The following TUT4 variants were observed in gnomAD, a reference collection of about 807,000 sequenced individuals.
The protein encoded by TUT4 is terminal uridylyltransferase 4.
A neutral mutation model predicts 192.2 loss-of-function variants in TUT4; 36 were observed. The ratio of observed to expected loss-of-function variants is 0.19; its 90% CI spans 0.14 to 0.25. The LOEUF (loss-of-function observed/expected upper bound fraction) is 0.25, where lower values mean the gene tolerates loss of function less well. TUT4 is among the 10% of genes least tolerant of loss of function. TUT4 has a pLI of 1.00. For synonymous variants in TUT4, 618 were observed against 666.0 expected, an observed-to-expected ratio of 0.93 and a Z score of 1.11; for missense variants, 1,493 against 1,957.2, an observed-to-expected ratio of 0.76 and a Z score of 4.47.
rs556447351 is a variant in TUT4 at position 52,506,462 on chromosome 1, A to G, written c.999+3134T>C. Reference sequence around the variant, plus strand: ...GTACAGAACAAGTACATGTATATTGATCAATTATCCAGAGCTCATTAACTT... The same window carrying G: ...GTACAGAACAAGTACATGTATATTGGTCAATTATCCAGAGCTCATTAACTT... On this transcript the variant is annotated intron_variant, in intron 4 of 29. Coordinates refer to ENST00000257177, the MANE Select transcript of TUT4 (RefSeq NM_001009881.3). Among the ~76,000 whole-genome samples, 108 of 152,208 alleles carry G rather than the reference A, an allele frequency of 7.1e-4. 1 individual carries two copies. Among genetic ancestry groups the G allele is most frequent in the Non-Finnish European group, 8.8e-4 (60 of 68,010 alleles).
Position 52,502,863 on chromosome 1 carries a change from A to T in TUT4, c.1000-5680T>A, listed in dbSNP as rs1258823871. Among the ~76,000 whole-genome samples, 8 of 152,114 alleles carry T rather than the reference A, an allele frequency of 5.3e-5. No homozygotes were observed. In the East Asian group the frequency reaches 1.4e-3, roughly 26 times the overall value. On this transcript the variant is annotated intron_variant, in intron 4 of 29. Coordinates refer to ENST00000257177, the MANE Select transcript of TUT4 (RefSeq NM_001009881.3). Reference sequence around the variant, plus strand: ...GGTCTCAAACTCCTGAGCTCAGGAGATCCACCTTCCTTGGCCTCCCAAAGT... The same window carrying T: ...GGTCTCAAACTCCTGAGCTCAGGAGTTCCACCTTCCTTGGCCTCCCAAAGT...
Position 52,458,509 on chromosome 1 carries a change from T to A in TUT4, c.3322-60A>T, listed in dbSNP as rs1275916569. On this transcript the variant is annotated intron_variant, in intron 19 of 29. Transcript: ENST00000257177. ...AGTCTTACTCCATGCAGAAGTATAT[T>A]AAACATTCTGCCACATCATTTTTTT... 4.0e-4 allele frequency: 503 copies of A among 1,271,002 alleles called. 2 individuals carry two copies. Among genetic ancestry groups the A allele is most frequent in the Non-Finnish European group, 2.8e-5 (25 of 890,132 alleles). The allele number at this position is 1,271,002 out of a possible 1,614,324, so 78.7% of individuals were successfully genotyped here.
intron 1 of TUT4, among the ~76,000 whole-genome samples, chr1:52,546,349 T>C (rs937271191): frequency 6.6e-6 from 1 of 152,196 alleles, no homozygotes; most frequent in East Asian, 1.9e-4. Flanking sequence ...ATCTATACAA[T>C]GGAATGTTAT....
At chr1:52,447,309 CG>C (rs1435582148) in intron 20 of TUT4, among the ~76,000 whole-genome samples, 1 of 151,764 alleles carries the variant, frequency 6.6e-6, no homozygotes, top group African/African-American at 2.4e-5. Flanking sequence ...ATTAGCTGGG[CG>C]TGGTGGCGTG....
chr1:52,492,492 T>A (rs1671427040), intron 7 of TUT4, among the ~76,000 whole-genome samples: 1 of 151,620 alleles, frequency 6.6e-6, no homozygotes. Flanking sequence ...GCCTATCTCA[T>A]TCTTACAACA....
chr1:52,494,728 T>C (rs1367507072), intron 6 of TUT4, among the ~76,000 whole-genome samples: 1 of 152,108 alleles, frequency 6.6e-6, no homozygotes, highest in Non-Finnish European at 1.5e-5. Context: ...AACCATACAT[T>C]AATTATAAAG....
chr1:52,508,245 TA>T (rs1474991418), intron 4 of TUT4, among the ~76,000 whole-genome samples: 1 of 148,600 alleles, frequency 6.7e-6, no homozygotes. Flanking sequence ...GGTAATCGCT[TA>T]AACCTGGGAG....
At chr1:52,486,896 T>C (rs1208622675) in intron 9 of TUT4, among the ~76,000 whole-genome samples, 4 of 152,188 alleles carry the variant, frequency 2.6e-5, no homozygotes, top group Non-Finnish European at 5.9e-5. Flanking sequence ...ATTTATAATC[T>C]TCTAACACAG....
chr1:52,542,588 T>C (rs1381032563), intron 1 of TUT4, among the ~76,000 whole-genome samples: 1 of 152,098 alleles, frequency 6.6e-6, no homozygotes, highest in Non-Finnish European at 1.5e-5. Context: ...TACCCTTTCA[T>C]GATAAAAACA....
chr1:52,502,009 G>A (rs1225449578), intron 4 of TUT4, among the ~76,000 whole-genome samples: 1 of 151,992 alleles, frequency 6.6e-6, no homozygotes, highest in Non-Finnish European at 1.5e-5. Flanking sequence ...TGATGAAAAA[G>A]TTCTGAATGA....
At chr1:52,514,645 T>C (rs12407960) in intron 3 of TUT4, 9,321 of 152,380 alleles carry the variant, frequency 0.061, 308 homozygotes, top group South Asian at 0.086. Context: ...TCAATCTAGA[T>C]ATAATTTCAT....
In TUT4 at chr1:52,461,284, G is replaced by C. The variant is rs937056822; in HGVS notation, c.3232-61C>G. ...TTTCGTAAAATTAAACTACAAATCAGATTTAAAAGTAAAATACACTCCAAA... is the reference window on the plus strand; with the variant it reads ...TTTCGTAAAATTAAACTACAAATCACATTTAAAAGTAAAATACACTCCAAA... On this transcript the variant is annotated intron_variant, in intron 18 of 29. Transcript: ENST00000257177. 2.7e-6 allele frequency: 4 copies of C among 1,466,062 alleles called. No homozygotes were observed. In the Admixed American group the frequency reaches 6.0e-5, roughly 22 times the overall value. The allele number at this position is 1,466,062 out of a possible 1,614,324, so 90.8% of individuals were successfully genotyped here. A position where few individuals can be genotyped will look rare whatever the true frequency, so the allele number is the denominator to read the frequency against.
chr1:52,489,166 A>G, intron 8 of TUT4, 131 bp from the exon 9 acceptor site: 5 of 848,656 alleles, frequency 5.9e-6, no homozygotes, highest in Non-Finnish European at 8.1e-6. Context: ...ATAAAAACAA[A>G]TGTTTTAATA....
In TUT4 at chr1:52,477,958, C is replaced by G. The variant is rs1667517523; in HGVS notation, c.1849-76G>C. The G allele has an allele frequency of 3.7e-6, 5 of 1,353,878 alleles. No homozygotes were observed. The South Asian group carries it at 6.9e-5, about 19-fold the overall frequency. 83.9% of individuals were successfully genotyped at this position (1,353,878 alleles called of 1,614,324 possible). ...CAACAAATTTTCAGTTAGAGAAGAC[C>G]TTGGAGATCACGTTTTCAAAAACTG... is the stretch of plus-strand genomic sequence containing the variant. On this transcript the variant is annotated intron_variant, in intron 11 of 29. Transcript: ENST00000257177.
intron 29 of TUT4, 108 bp from the exon 30 acceptor site, chr1:52,424,110 G>A (rs59088529): frequency 2.6e-6 from 3 of 1,140,678 alleles, no homozygotes; most frequent in Non-Finnish European, 3.8e-6. Flanking sequence ...TTATATAATA[G>A]GAGGTGATAA....
chr1:52,470,257 T>C (rs1422837132), intron 14 of TUT4, among the ~76,000 whole-genome samples: 1 of 152,128 alleles, frequency 6.6e-6, no homozygotes, highest in Non-Finnish European at 1.5e-5. Flanking sequence ...GAGTTCCCAA[T>C]GGCCAAAGCT....
At position 52,474,997 on chromosome 1, in the gene TUT4, T is replaced by G; in HGVS notation, c.2562A>C (p.Ser854=). Residue 854 remains serine, a synonymous_variant, in exon 13 of 30, where the codon TCA becomes TCC. Coordinates refer to ENST00000257177, the MANE Select transcript of TUT4 (RefSeq NM_001009881.3). ...PDKSTGTDCR[S]NLETESSHQS... ...GATGTGAACTCTCTGTTTCTAAATT[T>G]GACCTGCAGTCTGTTCCAGTAGATT... The G allele has an allele frequency of 6.2e-7, 1 of 1,614,220 alleles. No homozygotes were observed. Among genetic ancestry groups the G allele is most frequent in the Non-Finnish European group, 8.5e-7 (1 of 1,180,036 alleles).
chr1:52,463,872 GA>G, intron 16 of TUT4: 1 of 1,045,700 alleles, frequency 9.6e-7, no homozygotes, highest in Non-Finnish European at 1.3e-6. Flanking sequence ...GTGGAACTCA[GA>G]AAGCTATCAG....
At chr1:52,505,042 T>C (rs1178992583) in intron 4 of TUT4, among the ~76,000 whole-genome samples, 1 of 152,218 alleles carries the variant, frequency 6.6e-6, no homozygotes, top group Admixed American at 6.5e-5. Context: ...ATGAACCTGG[T>C]TGTATAAATA....
Sources: gnomAD v4.1 joint callset for allele counts (sites outside exome capture counted in the v4.1 genomes callset) on GRCh38, gnomAD v4.1.1 for gene constraint, MANE v1.5 for transcripts, NCBI Gene and HGNC (gene_info 2026-07-23, HGNC 2026-07-21) for gene names.